The following MYO1D variants were observed in gnomAD, a reference collection of about 807,000 sequenced individuals.
The protein encoded by MYO1D is myosin ID, also known as unconventional myosin-Id.
A neutral mutation model predicts 122.0 loss-of-function variants in MYO1D; 83 were observed. That is an observed-to-expected ratio of 0.68 (90% CI 0.57 to 0.82). MYO1D has a LOEUF of 0.82. Among genes scored for constraint, MYO1D ranks in the 40% least tolerant of loss-of-function variants. MYO1D has a pLI of 0.00. For synonymous variants in MYO1D, 464 were observed against 446.9 expected (o/e 1.04, Z -0.48); for missense variants, 1,157 against 1,269.5 (o/e 0.91, Z 1.35).
intron 14 of MYO1D, 152 bp from the exon 15 acceptor site, chr17:32,721,341 T>C (rs2302839): frequency 1.4e-6 from 1 of 718,910 alleles, no homozygotes; most frequent in Non-Finnish European, 2.2e-6. Context: ...TTATTCTTCC[T>C]TTCTCCTTCA....
intron 12 of MYO1D, among the ~76,000 whole-genome samples, chr17:32,747,665 C>T (rs922661458): frequency 5.9e-5 from 9 of 151,836 alleles, no homozygotes; most frequent in African/African-American, 2.2e-4. Flanking sequence ...GGTGAAACCC[C>T]GTCTCCACTA....
rs193172685 is a variant in MYO1D at position 32,778,622 on chromosome 17, G to A, written c.305-49C>T. On this transcript the variant is annotated intron_variant, in intron 2 of 21. Coordinates refer to ENST00000318217, the MANE Select transcript of MYO1D (RefSeq NM_015194.3). The stretch of plus-strand genomic sequence containing the variant: ...CTTAACATAATAATTTAAACCAAGA[G>A]TAAGCTAATTTTTAATAGAATAATT... The A allele has an allele frequency of 2.3e-4, 340 of 1,464,890 alleles. 6 individuals carry two copies. In the Admixed American group the frequency reaches 5.6e-3, roughly 24 times the overall value. 90.7% of individuals were successfully genotyped at this position (1,464,890 alleles called of 1,614,324 possible).
rs557825445 is a variant in MYO1D, at chr17:32,650,353, G to A, written c.2595+3490C>T. Reference sequence around the variant, plus strand: ...TTTATTACTGGTATTGAGCAATTTAGTTACAATTTACCGTAGTATAGTTTA... The same window carrying A: ...TTTATTACTGGTATTGAGCAATTTAATTACAATTTACCGTAGTATAGTTTA... On this transcript the variant is annotated intron_variant, in intron 19 of 21. Transcript: ENST00000318217. Among the ~76,000 whole-genome samples, 4 of 152,158 alleles carry A rather than the reference G, an allele frequency of 2.6e-5. No individual in the cohort carries two copies. The South Asian group carries it at 8.3e-4, about 32-fold the overall frequency.
At chr17:32,639,399 G>A (rs907112565) in intron 19 of MYO1D, among the ~76,000 whole-genome samples, 1 of 149,888 alleles carries the variant, frequency 6.7e-6, no homozygotes, top group Non-Finnish European at 1.5e-5. Flanking sequence ...GTGTGTGTGT[G>A]TGTGTGTGTG....
chr17:32,708,972 T>C (rs1241076910), intron 16 of MYO1D, among the ~76,000 whole-genome samples: 2 of 152,192 alleles, frequency 1.3e-5, no homozygotes, highest in Non-Finnish European at 2.9e-5. Flanking sequence ...GGAAGAAGCC[T>C]AGTGGCTGCA....
chr17:32,600,567 T>C (rs1380977647), intron 21 of MYO1D, among the ~76,000 whole-genome samples: 1 of 152,354 alleles, frequency 6.6e-6, no homozygotes, highest in East Asian at 1.9e-4. Context: ...TTTTATGTTA[T>C]GGAGATGTCT....
chr17:32,732,108 C>A (rs1186326739), intron 14 of MYO1D, among the ~76,000 whole-genome samples: 1 of 152,214 alleles, frequency 6.6e-6, no homozygotes, highest in Admixed American at 6.5e-5. Context: ...ACTTTGGATG[C>A]CAAAGAGCAC....
chr17:32,548,246 T>A (rs961433700), intron 21 of MYO1D, among the ~76,000 whole-genome samples: 1 of 151,762 alleles, frequency 6.6e-6, no homozygotes, highest in Non-Finnish European at 1.5e-5. Flanking sequence ...GGCTGGTCTT[T>A]TATATTTTTT....
intron 11 of MYO1D, among the ~76,000 whole-genome samples, chr17:32,749,840 T>C (rs763559417): frequency 2.6e-5 from 4 of 152,294 alleles, no homozygotes; most frequent in Middle Eastern, 3.4e-3. Context: ...AAGGAGGACT[T>C]AAGGAGGACC....
At chr17:32,560,531 A>ATATATATATG (rs2087111273) in intron 21 of MYO1D, among the ~76,000 whole-genome samples, 1 of 14,978 alleles carries the variant, frequency 6.7e-5, no homozygotes, top group East Asian at 2.7e-3. Context: ...GAGACAACAT[A>ATATATATATG]TATATATATA....
intron 11 of MYO1D, among the ~76,000 whole-genome samples, chr17:32,753,119 TGCA>T (rs1294127242): frequency 6.6e-6 from 1 of 152,214 alleles, no homozygotes; most frequent in Non-Finnish European, 1.5e-5. Context: ...CCATGTCCTT[TGCA>T]GCAACAGGGG....
At chr17:32,646,575 C>G in intron 19 of MYO1D, among the ~76,000 whole-genome samples, 1 of 152,046 alleles carries the variant, frequency 6.6e-6, no homozygotes, top group Non-Finnish European at 1.5e-5. Flanking sequence ...AAACCTGTTA[C>G]ATAATTTCAT....
chr17:32,751,415 T>C (rs1458049330), intron 11 of MYO1D, among the ~76,000 whole-genome samples: 1 of 152,134 alleles, frequency 6.6e-6, no homozygotes, highest in African/African-American at 2.4e-5. Flanking sequence ...GAAGAAGACA[T>C]TTAAAAAATC....
chr17:32,700,246 G>GATC (rs1204463016), intron 16 of MYO1D, among the ~76,000 whole-genome samples: 1 of 152,230 alleles, frequency 6.6e-6, no homozygotes, highest in Non-Finnish European at 1.5e-5. Flanking sequence ...TGTTCCATCA[G>GATC]ATCATCAGGC....
At chr17:32,796,548 G>A (rs1567646661) in intron 1 of MYO1D, among the ~76,000 whole-genome samples, 1 of 152,102 alleles carries the variant, frequency 6.6e-6, no homozygotes, top group East Asian at 1.9e-4. Context: ...GAGTAGCTGG[G>A]ACTACAGGCG....
chr17:32,748,567 G>A (rs2089864798), intron 12 of MYO1D, among the ~76,000 whole-genome samples: 2 of 151,966 alleles, frequency 1.3e-5, no homozygotes, highest in Admixed American at 6.6e-5. Flanking sequence ...TTTGATGGAC[G>A]TACATGCCTA....
At chr17:32,548,409 C>A (rs1172364248) in intron 21 of MYO1D, among the ~76,000 whole-genome samples, 1 of 148,736 alleles carries the variant, frequency 6.7e-6, no homozygotes, top group Non-Finnish European at 1.5e-5. Context: ...GCCTGGGTGA[C>A]AGAGCGAGAC....
chr17:32,746,040 C>T (rs2089834442), intron 12 of MYO1D, among the ~76,000 whole-genome samples: 1 of 152,190 alleles, frequency 6.6e-6, no homozygotes, highest in South Asian at 2.1e-4. Context: ...ACAGCTACAC[C>T]TTACAGTTCT....
chr17:32,560,911 C>T (rs968332038), intron 21 of MYO1D, among the ~76,000 whole-genome samples: 4 of 146,024 alleles, frequency 2.7e-5, no homozygotes, highest in East Asian at 2.0e-4. Context: ...AGCCACTATG[C>T]GTGGCTTTTT....
Sources: gnomAD v4.1 joint callset for allele counts (sites outside exome capture counted in the v4.1 genomes callset) on GRCh38, gnomAD v4.1.1 for gene constraint, MANE v1.5 for transcripts, NCBI Gene and HGNC (gene_info 2026-07-23, HGNC 2026-07-21) for gene names.